CNTNAP2: variants seen among roughly 807,000 people sequenced by gnomAD.
CNTNAP2 encodes the protein contactin-associated protein-like 2.
Under a neutral mutation model 155.2 loss-of-function variants are expected in CNTNAP2, and 98 were observed. That is an observed-to-expected ratio of 0.63 (90% CI 0.54 to 0.75). The LOEUF (loss-of-function observed/expected upper bound fraction) is 0.75. Ranked by LOEUF, CNTNAP2 falls within the 30% of genes least tolerant of loss-of-function variation. The pLI, the probability that CNTNAP2 is intolerant of heterozygous loss-of-function variation, is 0.00. For missense variants in CNTNAP2, 1,727 were observed against 1,688.1 expected (o/e 1.02, Z -0.40); for synonymous variants, 651 against 631.2 (o/e 1.03, Z -0.47).
At chr7:147,021,336 T>A (rs1798814270) in intron 3 of CNTNAP2, among the ~76,000 whole-genome samples, 1 of 152,194 alleles carries the variant, frequency 6.6e-6, no homozygotes, top group Admixed American at 6.5e-5. Flanking sequence ...ACTCTCAGCA[T>A]CCCACATACT....
At chr7:147,929,684 C>T (rs1006679199) in intron 14 of CNTNAP2, among the ~76,000 whole-genome samples, 7 of 152,002 alleles carry the variant, frequency 4.6e-5, no homozygotes, top group African/African-American at 1.7e-4. Context: ...AAAGTAAAGC[C>T]ACCCTATTTC....
chr7:147,510,870 T>TATATATATATATAA (rs1554400075), intron 11 of CNTNAP2, among the ~76,000 whole-genome samples: 1 of 143,102 alleles, frequency 7.0e-6, no homozygotes, highest in African/African-American at 2.7e-5. Context: ...TATATATATA[T>TATATATATATATAA]AATGCTTCCT....
intron 1 of CNTNAP2, among the ~76,000 whole-genome samples, chr7:146,581,137 A>T (rs368957539): frequency 6.6e-6 from 1 of 152,224 alleles, no homozygotes; most frequent in African/African-American, 2.4e-5. Context: ...GCCACAAAAC[A>T]TACGGACCCA....
chr7:148,129,683 C>G (rs1348034974), intron 16 of CNTNAP2, among the ~76,000 whole-genome samples: 2 of 152,168 alleles, frequency 1.3e-5, no homozygotes, highest in East Asian at 1.9e-4. Flanking sequence ...GCTGACTGAC[C>G]AGAGACCAGT....
chr7:147,792,514 G>GTA (rs779187917), intron 13 of CNTNAP2, among the ~76,000 whole-genome samples: 37 of 150,990 alleles, frequency 2.5e-4, no homozygotes, highest in African/African-American at 5.1e-4. Flanking sequence ...GTGTGTGTGT[G>GTA]TATATATATA....
intron 15 of CNTNAP2, among the ~76,000 whole-genome samples, chr7:148,049,316 A>G (rs1332692607): frequency 6.6e-6 from 1 of 152,200 alleles, no homozygotes. Flanking sequence ...TCATTTATGG[A>G]CATCTTTGAA....
chr7:146,703,873 A>G (rs1435874521), intron 1 of CNTNAP2, among the ~76,000 whole-genome samples: 1 of 151,998 alleles, frequency 6.6e-6, no homozygotes, highest in Non-Finnish European at 1.5e-5. Flanking sequence ...AATTTGTTCC[A>G]TTTGTCTTTC....
At position 147,517,404 on chromosome 7, in the gene CNTNAP2, G is replaced by A. The variant is rs575714262; in HGVS notation, c.1777+31363G>A. Reference sequence around the variant, plus strand: ...TTGAATTTTTCACCATGTGCTAAAAGGATGGGGTGAACTTGGAAAGAAACA... The same window carrying A: ...TTGAATTTTTCACCATGTGCTAAAAAGATGGGGTGAACTTGGAAAGAAACA... On this transcript the variant is annotated intron_variant, in intron 11 of 23. Coordinates refer to ENST00000361727, the MANE Select transcript of CNTNAP2 (RefSeq NM_014141.6). 4.6e-5 allele frequency among the ~76,000 whole-genome samples: 7 copies of A among 152,284 alleles called. No homozygotes were observed. In the South Asian group the frequency reaches 1.4e-3, roughly 32 times the overall value.
intron 8 of CNTNAP2, among the ~76,000 whole-genome samples, chr7:147,253,911 T>C (rs930928826): frequency 6.6e-6 from 1 of 152,204 alleles, no homozygotes; most frequent in South Asian, 2.1e-4. Context: ...ATCAGTCTTA[T>C]TCCTATTTTA....
At chr7:146,805,623 C>G (rs1050571402) in intron 2 of CNTNAP2, among the ~76,000 whole-genome samples, 2 of 152,228 alleles carry the variant, frequency 1.3e-5, no homozygotes, top group East Asian at 3.9e-4. Context: ...CCACTTGGGT[C>G]AAGTCTACCA....
Position 148,267,108 on chromosome 7 carries a change from T to A in CNTNAP2, c.3457T>A (p.Phe1153Ile). ...CCTCTTCAATTCTCCCAAGTCGCTC[T>A]TTCTGGGAAAAGTTATAGGTAAGAA... Reference protein sequence around the residue: ...DTLFNSPKSLFLGKVIETGKI... With the variant: ...DTLFNSPKSLILGKVIETGKI... The change falls in exon 21 of 24, where the codon TTT becomes ATT. Residue 1153 changes from phenylalanine (F) to isoleucine (I), a missense_variant. By Grantham distance (21) the Phe-to-Ile change is conservative. Transcript: ENST00000361727. The A allele has an allele frequency of 1.2e-6, 2 of 1,614,104 alleles. No homozygotes were observed. Among genetic ancestry groups the A allele is most frequent in the Non-Finnish European group, 1.7e-6 (2 of 1,179,946 alleles).
intron 11 of CNTNAP2, among the ~76,000 whole-genome samples, chr7:147,493,415 T>C (rs1024366671): frequency 4.6e-5 from 7 of 152,286 alleles, no homozygotes; most frequent in African/African-American, 1.7e-4. Context: ...AGATGCTCAG[T>C]GTGTCCCTGT....
At chr7:146,720,700 T>C (rs907638497) in intron 1 of CNTNAP2, among the ~76,000 whole-genome samples, 4 of 151,846 alleles carry the variant, frequency 2.6e-5, no homozygotes, top group Admixed American at 6.6e-5. Context: ...TTTCACTCTT[T>C]ATTATAGATT....
chr7:146,460,675 A>G (rs1409868994), intron 1 of CNTNAP2, among the ~76,000 whole-genome samples: 1 of 152,226 alleles, frequency 6.6e-6, no homozygotes, highest in African/African-American at 2.4e-5. Context: ...CTTTGTGACA[A>G]CATGAATGAA....
intron 21 of CNTNAP2, among the ~76,000 whole-genome samples, chr7:148,300,490 A>T (rs1365501415): frequency 6.6e-6 from 1 of 151,868 alleles, no homozygotes; most frequent in Non-Finnish European, 1.5e-5. Flanking sequence ...TCTCAATAAG[A>T]TTAAGGGGCT....
chr7:146,817,689 C>A (rs557248868), intron 2 of CNTNAP2, among the ~76,000 whole-genome samples: 16 of 152,050 alleles, frequency 1.1e-4, no homozygotes, highest in African/African-American at 3.6e-4. Flanking sequence ...AGATGCTACT[C>A]ACTTTTAAAC....
intron 1 of CNTNAP2, among the ~76,000 whole-genome samples, chr7:146,271,342 A>G (rs1019638093): frequency 4.6e-5 from 7 of 152,058 alleles, no homozygotes; most frequent in African/African-American, 1.7e-4. Context: ...CAGAATCACC[A>G]TAGGATTATT....
intron 1 of CNTNAP2, among the ~76,000 whole-genome samples, chr7:146,738,765 T>C (rs1031238322): frequency 1.3e-5 from 2 of 151,886 alleles, no homozygotes; most frequent in African/African-American, 4.8e-5. Flanking sequence ...TATCAGGTTC[T>C]GGGCTCTTCT....
intron 21 of CNTNAP2, among the ~76,000 whole-genome samples, chr7:148,323,608 C>G (rs564227858): frequency 6.6e-6 from 1 of 152,048 alleles, no homozygotes; most frequent in African/African-American, 2.4e-5. Context: ...CATCTAACTC[C>G]GTTGGACAGC....
Sources: allele counts gnomAD v4.1 joint callset (sites outside exome capture counted in the v4.1 genomes callset), GRCh38; gene constraint gnomAD v4.1.1; transcripts MANE v1.5; gene names NCBI Gene and HGNC (gene_info 2026-07-23, HGNC 2026-07-21).